The following RBMS3 variants were observed in gnomAD, a reference collection of about 807,000 sequenced individuals.
The protein encoded by RBMS3 is RNA binding motif single stranded interacting protein 3, also known as RNA-binding motif, single-stranded-interacting protein 3.
RBMS3 carries 27 observed loss-of-function variants against 66.8 expected under a neutral mutation model. The observed-to-expected ratio is 0.40, with a 90% confidence interval of 0.30 to 0.56. RBMS3 has a LOEUF of 0.56. Among genes scored for constraint, RBMS3 ranks in the 20% least tolerant of loss-of-function variants. The pLI is 0.40. For missense variants in RBMS3, 513 were observed against 549.5 expected (o/e 0.93, Z 0.66); for synonymous variants, 188 against 183.0 (o/e 1.03, Z -0.22).
chr3:29,776,013 A>T (rs1203969356), intron 6 of RBMS3, among the ~76,000 whole-genome samples: 1 of 152,002 alleles, frequency 6.6e-6, no homozygotes. Context: ...TAGATAAAAT[A>T]ATTTAAGATA....
At chr3:29,365,652 G>A (rs925443813) in intron 1 of RBMS3, among the ~76,000 whole-genome samples, 1 of 152,118 alleles carries the variant, frequency 6.6e-6, no homozygotes, top group South Asian at 2.1e-4. Context: ...AGGTATCTCT[G>A]TTAGTCCTTA....
At chr3:29,791,790 C>T (rs890306400) in intron 6 of RBMS3, among the ~76,000 whole-genome samples, 2 of 152,098 alleles carry the variant, frequency 1.3e-5, no homozygotes, top group African/African-American at 4.8e-5. Context: ...TTTCCATCAA[C>T]AAAGCAGTGA....
chr3:29,286,366 G>A (rs2032334553), intron 1 of RBMS3, among the ~76,000 whole-genome samples: 1 of 151,460 alleles, frequency 6.6e-6, no homozygotes, highest in Middle Eastern at 3.2e-3. Flanking sequence ...TGCATGTTTT[G>A]CTATTTTTTT....
chr3:29,901,866 G>A (rs1463822061), intron 10 of RBMS3, among the ~76,000 whole-genome samples: 1 of 151,802 alleles, frequency 6.6e-6, no homozygotes. Flanking sequence ...GGGCAAAACA[G>A]TATCATGGAA....
chr3:29,402,931 A>G (rs1039654849), intron 1 of RBMS3, among the ~76,000 whole-genome samples: 6 of 151,960 alleles, frequency 3.9e-5, no homozygotes, highest in African/African-American at 1.4e-4. Flanking sequence ...AAGCACAATG[A>G]TCATATACAA....
rs760469194 is a variant in RBMS3, at chr3:29,434,747, C to T, written c.80C>T (p.Ser27Phe). The T allele has an allele frequency of 2.5e-6, 4 of 1,612,994 alleles. No homozygotes were observed. The Admixed American group carries it at 6.7e-5, about 27-fold the overall frequency. ...YYPHYLQTKQ[S>F]YAPAPHPMAP... ...AACAGCTTTTTCTGTTTCCAGCAGTCCTATGCACCAGCTCCCCACCCCATG... is the reference window on the plus strand; with the variant it reads ...AACAGCTTTTTCTGTTTCCAGCAGTTCTATGCACCAGCTCCCCACCCCATG... Residue 27 changes from serine (S) to phenylalanine (F), a missense_variant, in exon 2 of 15, where the codon TCC (serine) becomes TTC (phenylalanine). By Grantham distance (155) the Ser-to-Phe change is radical (BLOSUM62 -2). Coordinates refer to ENST00000383767, the MANE Select transcript of RBMS3 (RefSeq NM_001003793.3).
chr3:29,700,557 G>T (rs2052518511), intron 4 of RBMS3, among the ~76,000 whole-genome samples: 1 of 152,142 alleles, frequency 6.6e-6, no homozygotes, highest in Admixed American at 6.5e-5. Context: ...AAGGGCCTTT[G>T]AGTTTAATAG....
chr3:29,365,002 A>G (rs930662428), intron 1 of RBMS3, among the ~76,000 whole-genome samples: 2 of 152,124 alleles, frequency 1.3e-5, no homozygotes, highest in African/African-American at 4.8e-5. Flanking sequence ...AAAAGATAAG[A>G]CCTAGTTAAT....
At chr3:29,794,041 C>T (rs1327128388) in intron 6 of RBMS3, among the ~76,000 whole-genome samples, 1 of 152,224 alleles carries the variant, frequency 6.6e-6, no homozygotes, top group Non-Finnish European at 1.5e-5. Context: ...TCCCCTTCGT[C>T]TTCTGCCATG....
chr3:29,445,022 T>C (rs548591647), intron 2 of RBMS3, among the ~76,000 whole-genome samples: 141 of 151,794 alleles, frequency 9.3e-4, no homozygotes, highest in African/African-American at 3.4e-3. Context: ...CGAAAACTTT[T>C]GAGGACAATA....
chr3:29,482,706 T>C (rs1461203964), intron 2 of RBMS3, among the ~76,000 whole-genome samples: 1 of 107,468 alleles, frequency 9.3e-6, no homozygotes, highest in Non-Finnish European at 1.8e-5. Context: ...TCTTTCTTTT[T>C]TTTTTTTTTT....
At chr3:29,590,828 G>A (rs1190811451) in intron 4 of RBMS3, among the ~76,000 whole-genome samples, 1 of 152,082 alleles carries the variant, frequency 6.6e-6, no homozygotes, top group Admixed American at 6.6e-5. Flanking sequence ...ATTCTTTGGG[G>A]TGCCATCAAG....
intron 6 of RBMS3, among the ~76,000 whole-genome samples, chr3:29,833,970 T>C (rs750728903): frequency 3.6e-4 from 54 of 152,076 alleles, no homozygotes; most frequent in Non-Finnish European, 6.5e-4. Context: ...GAACCTGCAT[T>C]AGACTATCAG....
chr3:29,670,898 G>A (rs2050971093), intron 4 of RBMS3, among the ~76,000 whole-genome samples: 2 of 152,198 alleles, frequency 1.3e-5, no homozygotes, highest in South Asian at 4.1e-4. Context: ...TTTGAAGAGA[G>A]CATTGCTTCT....
rs149022808 is a variant in RBMS3, at chr3:29,535,710, CTTTTTTTTTTTTTT to C, written c.307+47229_307+47242del. On this transcript the variant is annotated intron_variant, in intron 3 of 14. Transcript: ENST00000383767. ...GAGTTCAATGATTGAGATCATTGCT[CTTTTTTTTTTTTTT>C]TTTTTTTTTTTTTTTTTGCTGGTAA... Among the ~76,000 whole-genome samples the C allele has an allele frequency of 8.6e-4, 34 of 39,746 alleles. 1 individual carries two copies. Among genetic ancestry groups the C allele is most frequent in the Middle Eastern group, 0.036 (1 of 28 alleles). The allele number at this position is 39,746 out of a possible 152,430, so 26.1% of individuals were successfully genotyped here.
At chr3:29,799,931 C>T (rs2057335514) in intron 6 of RBMS3, among the ~76,000 whole-genome samples, 1 of 152,152 alleles carries the variant, frequency 6.6e-6, no homozygotes. Flanking sequence ...TATTTTGATA[C>T]TCTTTTCCCA....
chr3:29,697,529 T>C (rs1021495698), intron 4 of RBMS3, among the ~76,000 whole-genome samples: 1 of 152,232 alleles, frequency 6.6e-6, no homozygotes, highest in Non-Finnish European at 1.5e-5. Context: ...TATTCTGCTT[T>C]TCAAAGGAAG....
intron 3 of RBMS3, among the ~76,000 whole-genome samples, chr3:29,541,003 A>G (rs2045736118): frequency 6.6e-6 from 1 of 152,088 alleles, no homozygotes; most frequent in African/African-American, 2.4e-5. Flanking sequence ...TTTGCCCCTG[A>G]TTTTAGGGTA....
intron 6 of RBMS3, among the ~76,000 whole-genome samples, chr3:29,839,819 A>C (rs1416400774): frequency 6.6e-6 from 1 of 151,808 alleles, no homozygotes; most frequent in Non-Finnish European, 1.5e-5. Context: ...ACTTAGAAAA[A>C]ATTGTTTGAA....
Sources: gnomAD v4.1 joint callset for allele counts (sites outside exome capture counted in the v4.1 genomes callset) on GRCh38, gnomAD v4.1.1 for gene constraint, MANE v1.5 for transcripts, NCBI Gene and HGNC (gene_info 2026-07-23, HGNC 2026-07-21) for gene names.